The following TRHDE variants were observed in gnomAD, a reference collection of about 807,000 sequenced individuals.
TRHDE encodes thyrotropin-releasing hormone-degrading ectoenzyme.
In TRHDE, 72 loss-of-function variants were observed where a neutral mutation model predicts 125.7. That is an observed-to-expected ratio of 0.57 (90% CI 0.47 to 0.70). The LOEUF (loss-of-function observed/expected upper bound fraction) is 0.70. Ranked by LOEUF, TRHDE falls within the 30% of genes least tolerant of loss-of-function variation. The pLI is 0.00. For synonymous variants in TRHDE, 509 were observed against 509.1 expected, an observed-to-expected ratio of 1.00 and a Z score of 0.00; for missense variants, 1,110 against 1,327.1, an observed-to-expected ratio of 0.84 and a Z score of 2.54.
intron 2 of TRHDE, among the ~76,000 whole-genome samples, chr12:72,249,464 G>T (rs571133238): frequency 3.9e-5 from 6 of 152,146 alleles, no homozygotes; most frequent in African/African-American, 1.4e-4. Flanking sequence ...AAGCAGGAGG[G>T]TTGGTTGAGC....
chr12:72,520,666 C>G (rs1035795349), intron 6 of TRHDE, among the ~76,000 whole-genome samples: 1 of 152,140 alleles, frequency 6.6e-6, no homozygotes, highest in African/African-American at 2.4e-5. Context: ...TCTTCACTTA[C>G]TTTTTCAATC....
chr12:72,608,172 G>A (rs1294529757), intron 12 of TRHDE, among the ~76,000 whole-genome samples: 1 of 152,084 alleles, frequency 6.6e-6, no homozygotes. Flanking sequence ...TGTAGAGGAA[G>A]CAATTACTCC....
intron 10 of TRHDE, 82 bp from the exon 11 acceptor site, chr12:72,575,173 T>C (rs1565796007): frequency 7.5e-7 from 1 of 1,325,864 alleles, no homozygotes. Flanking sequence ...ATTGGTATTG[T>C]TATATCTGGC....
chr12:72,299,387 G>C (rs1273190050), intron 2 of TRHDE, among the ~76,000 whole-genome samples: 3 of 152,198 alleles, frequency 2.0e-5, no homozygotes, highest in Non-Finnish European at 4.4e-5. Flanking sequence ...CTGGGTCTGG[G>C]AGATGCTGTT....
In TRHDE at chr12:72,478,734, T is replaced by C. The variant is rs560651122; in HGVS notation, c.1584+5554T>C. Among the ~76,000 whole-genome samples, 108 of 152,152 alleles carry C rather than the reference T, an allele frequency of 7.1e-4. 1 individual carries two copies. The highest frequency in any genetic ancestry group is 2.5e-3 in the African/African-American group (104 of 41,536). ...TGCCATTAAAGCAAAATATCTCCTG[T>C]GCTGTAGTTGTACACTGAGTATATG... On this transcript the variant is annotated intron_variant, in intron 5 of 18. Coordinates refer to ENST00000261180, the MANE Select transcript of TRHDE (RefSeq NM_013381.3).
intron 3 of TRHDE, among the ~76,000 whole-genome samples, chr12:72,423,854 C>T (rs1306042685): frequency 1.3e-5 from 2 of 151,878 alleles, no homozygotes; most frequent in Non-Finnish European, 2.9e-5. Context: ...AAGCAGAGTT[C>T]AGAGTGATGT....
intron 2 of TRHDE, among the ~76,000 whole-genome samples, chr12:72,109,443 A>G (rs1157059811): frequency 6.6e-6 from 1 of 152,068 alleles, no homozygotes; most frequent in Non-Finnish European, 1.5e-5. Flanking sequence ...CTAAAAATAT[A>G]TATGCGACTT....
At chr12:72,421,408 G>A (rs1299652021) in intron 3 of TRHDE, among the ~76,000 whole-genome samples, 1 of 152,146 alleles carries the variant, frequency 6.6e-6, no homozygotes, top group East Asian at 1.9e-4. Flanking sequence ...GGTACACATG[G>A]TCTCTCCATG....
At chr12:72,559,129 A>T (rs1292391410) in intron 7 of TRHDE, among the ~76,000 whole-genome samples, 1 of 152,184 alleles carries the variant, frequency 6.6e-6, no homozygotes, top group Non-Finnish European at 1.5e-5. Context: ...CTCTTTCATT[A>T]TTATTGATAA....
At chr12:72,404,641 C>T (rs1873190543) in intron 3 of TRHDE, among the ~76,000 whole-genome samples, 1 of 152,086 alleles carries the variant, frequency 6.6e-6, no homozygotes, top group South Asian at 2.1e-4. Context: ...CTTTATAAAA[C>T]CATCAGATCT....
At chr12:72,224,540 A>G (rs550591142) in intron 2 of TRHDE, among the ~76,000 whole-genome samples, 2 of 152,156 alleles carry the variant, frequency 1.3e-5, no homozygotes, top group South Asian at 4.1e-4. Flanking sequence ...AGGTCACATG[A>G]TTCCCCAAGG....
intron 2 of TRHDE, among the ~76,000 whole-genome samples, chr12:72,124,726 T>C (rs541736578): frequency 6.6e-6 from 1 of 152,304 alleles, no homozygotes; most frequent in South Asian, 2.1e-4. Context: ...AATGGTGCTA[T>C]AAACGTTATG....
intron 12 of TRHDE, chr12:72,610,762 A>T (rs1426232875): frequency 5.3e-5 from 8 of 152,202 alleles, no homozygotes; most frequent in African/African-American, 1.9e-4. Flanking sequence ...TGATGGGAGA[A>T]AGCAACTCCC....
intron 9 of TRHDE, among the ~76,000 whole-genome samples, chr12:72,563,838 G>GAGA (rs1042179840): frequency 5.3e-5 from 8 of 152,062 alleles, no homozygotes; most frequent in African/African-American, 1.9e-4. Flanking sequence ...GAAAGAGGGA[G>GAGA]AGAAGTTAAA....
Position 72,594,502 on chromosome 12 carries a change from G to GTTTTTT in TRHDE, c.2321+18971_2321+18976dup, listed in dbSNP as rs11446527. On this transcript the variant is annotated intron_variant, in intron 12 of 18. Coordinates refer to ENST00000261180, the MANE Select transcript of TRHDE (RefSeq NM_013381.3). ...TAAAGCTCTGGGATTACAGATGTGA[G>GTTTTTT]TTTTTTTTTTTTTTTTAATATTACT... is the stretch of plus-strand genomic sequence containing the variant. 4.9e-4 allele frequency among the ~76,000 whole-genome samples: 67 copies of GTTTTTT among 136,010 alleles called. No homozygotes were observed. The East Asian group carries it at 0.014, about 29-fold the overall frequency. The allele number at this position is 136,010 out of a possible 152,430, so 89.2% of individuals were successfully genotyped here.
In TRHDE at chr12:72,592,418, G is replaced by A. The variant is rs570189958; in HGVS notation, c.2321+16876G>A. 5.9e-5 allele frequency among the ~76,000 whole-genome samples: 9 copies of A among 152,046 alleles called. No homozygotes were observed. In the East Asian group the frequency reaches 1.4e-3, roughly 23 times the overall value. On this transcript the variant is annotated intron_variant, in intron 12 of 18. Transcript: ENST00000261180. ...GTTATAAAGCCATTTAAAAGTACTCGCATTAGTTCCAACATCTGGTTTATT... is the reference window on the plus strand; with the variant it reads ...GTTATAAAGCCATTTAAAAGTACTCACATTAGTTCCAACATCTGGTTTATT...
intron 2 of TRHDE, among the ~76,000 whole-genome samples, chr12:72,127,670 G>C (rs780542624): frequency 2.6e-5 from 4 of 152,110 alleles, no homozygotes; most frequent in Non-Finnish European, 5.9e-5. Flanking sequence ...ATAGACACTA[G>C]AGGAGTAAGG....
intron 2 of TRHDE, among the ~76,000 whole-genome samples, chr12:72,142,376 T>C (rs1312439447): frequency 6.6e-6 from 1 of 152,196 alleles, no homozygotes; most frequent in Non-Finnish European, 1.5e-5. Context: ...GGTCTCTTTT[T>C]GGCTTTATGC....
At chr12:72,371,963 C>T (rs549300997) in intron 2 of TRHDE, among the ~76,000 whole-genome samples, 1 of 152,276 alleles carries the variant, frequency 6.6e-6, no homozygotes, top group African/African-American at 2.4e-5. Context: ...TGAGGAATCG[C>T]CACACTGACT....
Sources: allele counts gnomAD v4.1 joint callset (sites outside exome capture counted in the v4.1 genomes callset), GRCh38; gene constraint gnomAD v4.1.1; transcripts MANE v1.5; gene names NCBI Gene and HGNC (gene_info 2026-07-23, HGNC 2026-07-21).